Variants in C16orf95 observed in about 807,000 individuals in gnomAD.
C16orf95 encodes uncharacterized protein C16orf95.
C16orf95 carries 41 observed loss-of-function variants against 32.1 expected under a neutral mutation model. That is an observed-to-expected ratio of 1.28 (90% CI 1.00 to 1.66). C16orf95 has a LOEUF of 1.66. Ranked by LOEUF, C16orf95 falls within the 40% of genes most tolerant of loss-of-function variation. C16orf95 has a pLI of 0.00. For synonymous variants in C16orf95, 147 were observed against 128.9 expected, an observed-to-expected ratio of 1.14 and a Z score of -0.95; for missense variants, 399 against 325.9, an observed-to-expected ratio of 1.22 and a Z score of -1.73.
intron 5 of C16orf95, among the ~76,000 whole-genome samples, chr16:87,309,932 T>C (rs923271652): frequency 6.6e-6 from 1 of 152,198 alleles, no homozygotes; most frequent in African/African-American, 2.4e-5. Context: ...CATAGGAATA[T>C]GTACTATGTC....
chr16:87,307,475 T>C (rs1435071825), intron 5 of C16orf95, among the ~76,000 whole-genome samples: 1 of 150,892 alleles, frequency 6.6e-6, no homozygotes, highest in Non-Finnish European at 1.5e-5. Flanking sequence ...AAGATAAAAA[T>C]AGGCCAGGCA....
intron 3 of C16orf95, among the ~76,000 whole-genome samples, chr16:87,314,120 G>A (rs1043810895): frequency 6.6e-6 from 1 of 152,084 alleles, no homozygotes; most frequent in African/African-American, 2.4e-5. Context: ...CTTTTTTAAA[G>A]TTAAACATAC....
chr16:87,307,682 C>A (rs1195283209), intron 5 of C16orf95, among the ~76,000 whole-genome samples: 1 of 152,154 alleles, frequency 6.6e-6, no homozygotes, highest in Non-Finnish European at 1.5e-5. Context: ...TGCTTGAACC[C>A]AGGAGGCAGA....
intron 4 of C16orf95, 60 bp from the exon 5 acceptor site, chr16:87,310,393 G>A (rs1453863059): frequency 1.3e-6 from 2 of 1,507,396 alleles, no homozygotes; most frequent in African/African-American, 1.4e-5. Flanking sequence ...GGGAAGGCCT[G>A]GTGATTGGGA....
chr16:87,303,345 G>GA (rs1910852232), intron 6 of C16orf95: 2 of 476,016 alleles, frequency 4.2e-6, no homozygotes, highest in Non-Finnish European at 7.7e-6. Context: ...TGGCTTTGCA[G>GA]AACTGTGAAG....
intron 2 of C16orf95, 81 bp from the exon 3 acceptor site, chr16:87,315,177 C>A: frequency 7.1e-7 from 1 of 1,413,150 alleles, no homozygotes; most frequent in Non-Finnish European, 9.5e-7. Flanking sequence ...CACAGTAGAT[C>A]CGTGCTCAGG....
intron 4 of C16orf95, 51 bp downstream of exon 4, chr16:87,311,099 G>T: frequency 7.3e-7 from 1 of 1,379,064 alleles, no homozygotes; most frequent in African/African-American, 1.4e-5. Context: ...CCCTTCCCCC[G>T]GCCCCCACCT....
Position 87,302,830 on chromosome 16 carries a change from T to A in C16orf95, c.*227A>T. ...GGTGGCCAGTTTAGAGTTTCACAAATAACATTTATTGACCACATTCATAAC... is the reference window on the plus strand; with the variant it reads ...GGTGGCCAGTTTAGAGTTTCACAAAAAACATTTATTGACCACATTCATAAC... On this transcript the variant is annotated 3_prime_UTR_variant, in exon 7 of 7. Coordinates refer to ENST00000567970, the MANE Select transcript of C16orf95 (RefSeq NM_001195124.3). 1.8e-6 allele frequency: 1 copy of A among 562,218 alleles called. No homozygotes were observed. The highest frequency in any genetic ancestry group is 3.2e-6 in the Non-Finnish European group (1 of 312,234). The allele number at this position is 562,218 out of a possible 1,614,324, so 34.8% of individuals were successfully genotyped here.
chr16:87,302,945 G>T lies in C16orf95; in HGVS notation c.*112C>A. 5 of 1,135,944 alleles carry T rather than the reference G, an allele frequency of 4.4e-6. No homozygotes were observed. In the South Asian group the frequency reaches 5.3e-5, roughly 12 times the overall value. 70.4% of individuals were successfully genotyped at this position (1,135,944 alleles called of 1,614,324 possible). On this transcript the variant is annotated 3_prime_UTR_variant, in exon 7 of 7. Transcript: ENST00000567970. ...GGGTTGAATCCTGGGTGTGGATTCT[G>T]TTCTGAGAAGACAGCGACTGTCACA... is the stretch of plus-strand genomic sequence containing the variant.
intron 2 of C16orf95, among the ~76,000 whole-genome samples, 153 bp from the exon 3 acceptor site, chr16:87,315,249 C>T (rs750011543): frequency 6.6e-6 from 1 of 152,180 alleles, no homozygotes; most frequent in Non-Finnish European, 1.5e-5. Context: ...GGCAGGCTAC[C>T]GTGGCTCGCC....
chr16:87,313,944 C>G (rs990435386), intron 3 of C16orf95, among the ~76,000 whole-genome samples: 11 of 152,014 alleles, frequency 7.2e-5, no homozygotes, highest in Admixed American at 7.2e-4. Context: ...TTGACATCAC[C>G]AATTATCACG....
intron 3 of C16orf95, among the ~76,000 whole-genome samples, 199 bp from the exon 4 acceptor site, chr16:87,311,495 C>A (rs1197276980): frequency 6.6e-6 from 1 of 152,236 alleles, no homozygotes; most frequent in South Asian, 2.1e-4. Context: ...CTACAACATG[C>A]CCACTGTTGG....
intron 4 of C16orf95, among the ~76,000 whole-genome samples, chr16:87,310,714 C>G (rs1452001638): frequency 6.6e-6 from 1 of 152,158 alleles, no homozygotes; most frequent in Non-Finnish European, 1.5e-5. Flanking sequence ...ACCCTCCTTC[C>G]CACCTCCCTC....
intron 5 of C16orf95, among the ~76,000 whole-genome samples, chr16:87,309,584 A>G (rs1023279545): frequency 2.6e-5 from 4 of 151,636 alleles, no homozygotes; most frequent in Non-Finnish European, 4.4e-5. Flanking sequence ...AGGTTTCACT[A>G]TGTTGCCCAG....
intron 3 of C16orf95, among the ~76,000 whole-genome samples, chr16:87,312,157 G>A (rs1280873027): frequency 6.6e-6 from 1 of 152,218 alleles, no homozygotes; most frequent in African/African-American, 2.4e-5. Flanking sequence ...GAAAGACAGG[G>A]TGGTCCCACC....
intron 5 of C16orf95, among the ~76,000 whole-genome samples, chr16:87,307,662 G>A (rs1399489917): frequency 6.6e-6 from 1 of 152,142 alleles, no homozygotes; most frequent in East Asian, 1.9e-4. Context: ...GGAGGCTGAG[G>A]TAGGAGAATT....
chr16:87,310,196 G>C, intron 5 of C16orf95, 101 bp downstream of exon 5: 1 of 1,171,160 alleles, frequency 8.5e-7, no homozygotes, highest in South Asian at 1.3e-5. Flanking sequence ...ACTGTGGGCA[G>C]GTGTCTGGTG....
At chr16:87,309,745 G>C (rs1440708949) in intron 5 of C16orf95, among the ~76,000 whole-genome samples, 1 of 152,058 alleles carries the variant, frequency 6.6e-6, no homozygotes, top group Non-Finnish European at 1.5e-5. Context: ...ATTGTATTGT[G>C]AATACATGAA....
Position 87,315,026 on chromosome 16 carries a change from C to A in C16orf95, c.275G>T (p.Arg92Met). The A allele has an allele frequency of 1.3e-6, 2 of 1,536,150 alleles. No individual in the cohort carries two copies. The highest frequency in any genetic ancestry group is 8.7e-7 in the Non-Finnish European group (1 of 1,146,918). The change falls in exon 3 of 7, where the codon AGG (arginine) becomes ATG (methionine). Residue 92 changes from arginine to methionine, a missense_variant. Physicochemically the swap from Arg to Met is moderately conservative, Grantham distance 91. Coordinates refer to ENST00000567970, the MANE Select transcript of C16orf95 (RefSeq NM_001195124.3). ...CCAGTAAGGCAGTGCTGCTTCCACCCTGGACACAGGCAGGCGGCCCCCGAA... is the reference window on the plus strand; with the variant it reads ...CCAGTAAGGCAGTGCTGCTTCCACCATGGACACAGGCAGGCGGCCCCCGAA... ...TRFGGRLPVS[R>M]VEAALPYWVP...
Sources: allele counts gnomAD v4.1 joint callset (sites outside exome capture counted in the v4.1 genomes callset), GRCh38; gene constraint gnomAD v4.1.1; transcripts MANE v1.5; gene names NCBI Gene and HGNC (gene_info 2026-07-23, HGNC 2026-07-21).